Variants in TMEM117 observed in about 807,000 individuals in gnomAD.
TMEM117 encodes the protein transmembrane protein 117.
A neutral mutation model predicts 52.4 loss-of-function variants in TMEM117; 27 were observed. That is an observed-to-expected ratio of 0.51 (90% CI 0.38 to 0.71). The LOEUF is 0.71. Ranked by LOEUF, TMEM117 falls within the 30% of genes least tolerant of loss-of-function variation. TMEM117 has a pLI of 0.00. For missense variants in TMEM117, 556 were observed against 630.5 expected, an observed-to-expected ratio of 0.88 and a Z score of 1.26; for synonymous variants, 215 against 206.3, an observed-to-expected ratio of 1.04 and a Z score of -0.36.
intron 5 of TMEM117, among the ~76,000 whole-genome samples, chr12:44,279,515 C>CTTTT (rs769225066): frequency 7.3e-6 from 1 of 137,260 alleles, no homozygotes; most frequent in South Asian, 2.3e-4. Flanking sequence ...TTCTTTTCTT[C>CTTTT]TTTTTTTTTT....
At chr12:44,337,981 AGGAAAAG>A (rs1951364421) in intron 6 of TMEM117, among the ~76,000 whole-genome samples, 1 of 152,106 alleles carries the variant, frequency 6.6e-6, no homozygotes, top group African/African-American at 2.4e-5. Flanking sequence ...TTAAAGTAGA[AGGAAAAG>A]CACTATTGAT....
intron 1 of TMEM117, among the ~76,000 whole-genome samples, chr12:43,839,188 A>G (rs1224535438): frequency 6.6e-6 from 1 of 152,094 alleles, no homozygotes; most frequent in African/African-American, 2.4e-5. Context: ...CGGCTTCCTC[A>G]GTAGCTTCCC....
intron 4 of TMEM117, among the ~76,000 whole-genome samples, chr12:44,191,628 G>T (rs2138344064): frequency 6.6e-6 from 1 of 152,180 alleles, no homozygotes; most frequent in South Asian, 2.1e-4. Flanking sequence ...AACTCTGTAT[G>T]CTCACCTTAT....
At chr12:44,372,839 G>C (rs945543783) in intron 6 of TMEM117, among the ~76,000 whole-genome samples, 4 of 152,184 alleles carry the variant, frequency 2.6e-5, no homozygotes, top group African/African-American at 9.6e-5. Context: ...TGGCACCTAT[G>C]TCACTTTGGA....
intron 4 of TMEM117, among the ~76,000 whole-genome samples, chr12:44,151,059 C>A (rs779700004): frequency 6.6e-6 from 1 of 151,436 alleles, no homozygotes; most frequent in Non-Finnish European, 1.5e-5. Flanking sequence ...TCATATTCAC[C>A]AAGAATATGA....
intron 5 of TMEM117, among the ~76,000 whole-genome samples, chr12:44,238,747 C>T (rs767544197): frequency 4.6e-5 from 7 of 152,082 alleles, no homozygotes; most frequent in Admixed American, 2.6e-4. Context: ...TTTTCTTTTA[C>T]CCATCTGTGG....
At position 43,958,955 on chromosome 12, in the gene TMEM117, C is replaced by T. The variant is rs1489777202; in HGVS notation, c.410+14613C>T. ...CCGAGTAGCTGGGACTGCAGGCGCC[C>T]ACCACCACGCCCGGCTAATTTTTTT... On this transcript the variant is annotated intron_variant, in intron 3 of 7. Coordinates refer to ENST00000266534, the MANE Select transcript of TMEM117 (RefSeq NM_032256.3). Among the ~76,000 whole-genome samples the T allele has an allele frequency of 4.6e-5, 7 of 152,156 alleles. No individual in the cohort carries two copies. The East Asian group carries it at 1.2e-3, about 25-fold the overall frequency.
intron 3 of TMEM117, among the ~76,000 whole-genome samples, chr12:44,074,425 T>A (rs1423844816): frequency 6.6e-6 from 1 of 152,120 alleles, no homozygotes; most frequent in Non-Finnish European, 1.5e-5. Flanking sequence ...CCTATGGAAA[T>A]TAAATTTACG....
intron 5 of TMEM117, among the ~76,000 whole-genome samples, chr12:44,212,521 T>G (rs1165835238): frequency 6.6e-6 from 1 of 152,060 alleles, no homozygotes; most frequent in Non-Finnish European, 1.5e-5. Flanking sequence ...GATCATACAC[T>G]GAGGTTAACA....
Position 44,016,695 on chromosome 12 carries a change from C to A in TMEM117, c.410+72353C>A, listed in dbSNP as rs78494253. Among the ~76,000 whole-genome samples, 340 of 152,188 alleles carry A rather than the reference C, an allele frequency of 2.2e-3. 1 individual carries two copies. The highest frequency in any genetic ancestry group is 7.7e-3 in the African/African-American group (320 of 41,506). ...AGTCACAGTTTTCTTTCATCTTTTA[C>A]GAGCTAATGGGAATGTAGGCAGAGG... On this transcript the variant is annotated intron_variant, in intron 3 of 7. Transcript: ENST00000266534.
intron 5 of TMEM117, among the ~76,000 whole-genome samples, chr12:44,230,182 CTTAG>C (rs975166935): frequency 6.6e-6 from 1 of 151,974 alleles, no homozygotes; most frequent in African/African-American, 2.4e-5. Flanking sequence ...AGGAAACAGG[CTTAG>C]AGTGGTTCGT....
chr12:44,394,456 G>C (rs564433482), downstream of TMEM117, among the ~76,000 whole-genome samples: 2 of 152,248 alleles, frequency 1.3e-5, no homozygotes, highest in African/African-American at 4.8e-5. Context: ...TTCTGTCCCT[G>C]TTGGTTGCTT....
At chr12:43,979,099 T>C (rs372227409) in intron 3 of TMEM117, among the ~76,000 whole-genome samples, 4 of 152,090 alleles carry the variant, frequency 2.6e-5, no homozygotes, top group East Asian at 1.9e-4. Context: ...TCAGTAGTTA[T>C]GTTCAAGGAG....
chr12:44,184,485 G>T (rs1404457184), intron 4 of TMEM117, among the ~76,000 whole-genome samples: 1 of 152,180 alleles, frequency 6.6e-6, no homozygotes, highest in Non-Finnish European at 1.5e-5. Flanking sequence ...GGCAGATGGG[G>T]AGGGGAGCCC....
At chr12:44,125,767 G>A (rs1948314277) in intron 3 of TMEM117, among the ~76,000 whole-genome samples, 1 of 151,922 alleles carries the variant, frequency 6.6e-6, no homozygotes. Flanking sequence ...CTTTGCGGTT[G>A]TTTGCTCTTG....
At chr12:44,145,484 A>T (rs946232773) in intron 4 of TMEM117, among the ~76,000 whole-genome samples, 6 of 152,216 alleles carry the variant, frequency 3.9e-5, no homozygotes, top group Non-Finnish European at 5.9e-5. Context: ...TTCCTGTGTT[A>T]CATATTTTCT....
intron 3 of TMEM117, among the ~76,000 whole-genome samples, chr12:43,984,235 G>A (rs1032360660): frequency 6.6e-6 from 1 of 152,108 alleles, no homozygotes; most frequent in Non-Finnish European, 1.5e-5. Flanking sequence ...AGGTGCAGTG[G>A]TACACGTCTG....
At chr12:43,897,639 GCT>G (rs1944229020) in intron 2 of TMEM117, among the ~76,000 whole-genome samples, 1 of 151,674 alleles carries the variant, frequency 6.6e-6, no homozygotes, top group South Asian at 2.1e-4. Context: ...ACAGAGTCTT[GCT>G]CTGTTTCCCA....
chr12:44,271,275 T>C (rs79250730), intron 5 of TMEM117, among the ~76,000 whole-genome samples: 4 of 152,252 alleles, frequency 2.6e-5, no homozygotes, highest in East Asian at 3.9e-4. Context: ...TTTTAGCTTT[T>C]ATAATCATTG....
Sources: allele counts gnomAD v4.1 joint callset (sites outside exome capture counted in the v4.1 genomes callset), GRCh38; gene constraint gnomAD v4.1.1; transcripts MANE v1.5; gene names NCBI Gene and HGNC (gene_info 2026-07-23, HGNC 2026-07-21).